The following FBXW7 variants were observed in gnomAD, a reference collection of about 807,000 sequenced individuals.
FBXW7 encodes F-box/WD repeat-containing protein 7.
A neutral mutation model predicts 86.3 loss-of-function variants in FBXW7; 11 were observed. That is an observed-to-expected ratio of 0.13 (90% CI 0.08 to 0.21). The LOEUF is 0.21. Ranked by LOEUF, FBXW7 falls within the 10% of genes least tolerant of loss-of-function variation. FBXW7 has a pLI of 1.00. For missense variants in FBXW7, 488 were observed against 847.4 expected, an observed-to-expected ratio of 0.58 and a Z score of 5.27; for synonymous variants, 313 against 297.9, an observed-to-expected ratio of 1.05 and a Z score of -0.52.
At chr4:152,346,853 T>G in intron 6 of FBXW7, 77 bp downstream of exon 6, 1 of 1,569,928 alleles carries the variant, frequency 6.4e-7, no homozygotes, top group Non-Finnish European at 8.7e-7. Flanking sequence ...TGTTTCCTTC[T>G]TTTTTTACGG....
chr4:152,347,159 T>C, intron 5 of FBXW7, 88 bp from the exon 6 acceptor site: 1 of 1,092,726 alleles, frequency 9.2e-7, no homozygotes, highest in Non-Finnish European at 1.3e-6. Flanking sequence ...AATAATAGAT[T>C]CTAGTACAAA....
intron 2 of FBXW7, among the ~76,000 whole-genome samples, chr4:152,435,015 G>C (rs1327457281): frequency 1.5e-5 from 2 of 133,078 alleles, no homozygotes; most frequent in Non-Finnish European, 3.2e-5. Context: ...GCCTTCATTT[G>C]AGCAATGGGT....
intron 11 of FBXW7, 84 bp downstream of exon 11, chr4:152,328,124 T>C: frequency 9.4e-7 from 1 of 1,065,246 alleles, no homozygotes. Context: ...ACACTGTCAC[T>C]ATTTCAGTAA....
At chr4:152,503,568 G>C (rs1220208966) in intron 2 of FBXW7, among the ~76,000 whole-genome samples, 1 of 151,614 alleles carries the variant, frequency 6.6e-6, no homozygotes, top group African/African-American at 2.4e-5. Context: ...CACCGTGCCC[G>C]GCCCCAATTA....
At chr4:152,382,293 G>A (rs1022149006) in intron 4 of FBXW7, 3 of 1,598,230 alleles carry the variant, frequency 1.9e-6, no homozygotes, top group Non-Finnish European at 2.6e-6. Context: ...AGATCAACAG[G>A]AACCAAGCCA....
At chr4:152,429,620 C>G (rs1739710214) in intron 2 of FBXW7, among the ~76,000 whole-genome samples, 1 of 152,134 alleles carries the variant, frequency 6.6e-6, no homozygotes, top group Non-Finnish European at 1.5e-5. Flanking sequence ...GTGGAAGGAG[C>G]AGAAATTTTG....
chr4:152,455,324 C>A (rs1188309517), intron 2 of FBXW7, among the ~76,000 whole-genome samples: 1 of 152,176 alleles, frequency 6.6e-6, no homozygotes, highest in East Asian at 1.9e-4. Context: ...ACAATCTAAA[C>A]AAGGATCTCC....
chr4:152,435,692 C>T (rs1242679760), intron 2 of FBXW7, among the ~76,000 whole-genome samples: 2 of 152,094 alleles, frequency 1.3e-5, no homozygotes, highest in Non-Finnish European at 2.9e-5. Context: ...TACAGGCATA[C>T]CTCATTTTAC....
intron 4 of FBXW7, among the ~76,000 whole-genome samples, chr4:152,376,309 A>G (rs2126758259): frequency 6.6e-6 from 1 of 152,206 alleles, no homozygotes; most frequent in African/African-American, 2.4e-5. Context: ...TGCTTTACCA[A>G]CAGAGCTTAT....
intron 2 of FBXW7, among the ~76,000 whole-genome samples, chr4:152,526,485 G>A (rs1303463951): frequency 6.6e-6 from 1 of 151,936 alleles, no homozygotes; most frequent in Non-Finnish European, 1.5e-5. Flanking sequence ...CACAAAAAAA[G>A]GAATTTTTAA....
At chr4:152,440,035 TTTTTG>T (rs1412737084) in intron 2 of FBXW7, among the ~76,000 whole-genome samples, 2 of 152,190 alleles carry the variant, frequency 1.3e-5, no homozygotes, top group Admixed American at 1.3e-4. Context: ...ATATTGCCCA[TTTTTG>T]TTTTAAGAAA....
chr4:152,523,679 G>A (rs139330631), intron 2 of FBXW7, among the ~76,000 whole-genome samples: 272 of 152,280 alleles, frequency 1.8e-3, no homozygotes, highest in African/African-American at 6.3e-3. Flanking sequence ...CTTTTAGGGT[G>A]CCCCTACCTC....
At chr4:152,429,282 T>C (rs550285312) in intron 2 of FBXW7, among the ~76,000 whole-genome samples, 5 of 149,846 alleles carry the variant, frequency 3.3e-5, no homozygotes, top group Non-Finnish European at 5.9e-5. Context: ...TGGTACAAAT[T>C]ACCAAGACCC....
chr4:152,321,049 G>A lies in FBXW7; in HGVS notation c.*1832C>T, dbSNP rs1459058598. 1.1e-5 allele frequency: 2 copies of A among 175,644 alleles called. No individual in the cohort carries two copies. The highest frequency in any genetic ancestry group is 2.4e-5 in the Non-Finnish European group (2 of 81,676). The allele number at this position is 175,644 out of a possible 1,614,324, so 10.9% of individuals were successfully genotyped here. ...TCTACAGAGATGAGCACAGTGGAGTGTCCTCCTTCATAGTCTAGGAGAGAA... is the reference window on the plus strand; with the variant it reads ...TCTACAGAGATGAGCACAGTGGAGTATCCTCCTTCATAGTCTAGGAGAGAA... On this transcript the variant is annotated 3_prime_UTR_variant, in exon 14 of 14. Transcript: ENST00000281708.
intron 10 of FBXW7, chr4:152,328,607 G>A (rs1578882934): frequency 5.4e-6 from 2 of 368,084 alleles, no homozygotes; most frequent in East Asian, 8.6e-5. Context: ...TGTGTATGTA[G>A]TATGTAGAAA....
At chr4:152,417,979 A>G (rs185083182) in intron 2 of FBXW7, among the ~76,000 whole-genome samples, 7 of 152,284 alleles carry the variant, frequency 4.6e-5, no homozygotes, top group Admixed American at 4.6e-4. Flanking sequence ...GTGTCTCAGA[A>G]GACCCAAACT....
chr4:152,375,039 CTT>C (rs1734367268), intron 4 of FBXW7, among the ~76,000 whole-genome samples: 3 of 152,044 alleles, frequency 2.0e-5, no homozygotes, highest in Admixed American at 2.0e-4. Context: ...GAAGAGGAGA[CTT>C]GCTACAACTA....
At chr4:152,337,691 C>G in intron 7 of FBXW7, 111 bp downstream of exon 7, 2 of 1,160,704 alleles carry the variant, frequency 1.7e-6, no homozygotes, top group Non-Finnish European at 2.4e-6. Flanking sequence ...TTAAGAGTGT[C>G]AAACTGACAA....
chr4:152,483,173 A>C (rs1246744023), intron 2 of FBXW7, among the ~76,000 whole-genome samples: 1 of 152,116 alleles, frequency 6.6e-6, no homozygotes, highest in Non-Finnish European at 1.5e-5. Flanking sequence ...TTTCTATGAA[A>C]ACTAATTTGT....
Sources: allele counts gnomAD v4.1 joint callset (sites outside exome capture counted in the v4.1 genomes callset), GRCh38; gene constraint gnomAD v4.1.1; transcripts MANE v1.5; gene names NCBI Gene and HGNC (gene_info 2026-07-23, HGNC 2026-07-21).